IBTK: variants seen among roughly 807,000 people sequenced by gnomAD.
IBTK encodes BTK-binding protein.
In IBTK, 83 loss-of-function variants were observed where a neutral mutation model predicts 154.9. The ratio of observed to expected loss-of-function variants is 0.54; its 90% CI spans 0.45 to 0.64. IBTK has a LOEUF of 0.64. Among genes scored for constraint, IBTK ranks in the 30% least tolerant of loss-of-function variants. The probability of loss-of-function intolerance (pLI) is 0.00; values close to 1 mark genes in which losing one functional copy is unlikely to be tolerated. For missense variants in IBTK, 1,332 were observed against 1,584.6 expected, an observed-to-expected ratio of 0.84 and a Z score of 2.71; for synonymous variants, 515 against 536.1, an observed-to-expected ratio of 0.96 and a Z score of 0.54.
intron 25 of IBTK, among the ~76,000 whole-genome samples, chr6:82,185,185 A>G (rs1327237925): frequency 1.8e-4 from 21 of 119,360 alleles, no homozygotes; most frequent in African/African-American, 6.6e-4. Flanking sequence ...TCTGTCTCAG[A>G]AAAAAAAAAA....
intron 25 of IBTK, among the ~76,000 whole-genome samples, chr6:82,188,201 T>G (rs985445427): frequency 6.6e-6 from 1 of 152,142 alleles, no homozygotes; most frequent in African/African-American, 2.4e-5. Flanking sequence ...AGTCAGAACT[T>G]AAGAGAAAAC....
At chr6:82,181,792 A>G in intron 26 of IBTK, 87 bp downstream of exon 26, 3 of 949,060 alleles carry the variant, frequency 3.2e-6, no homozygotes, top group Non-Finnish European at 4.5e-6. Flanking sequence ...TCTGCCTCAT[A>G]AAGTTTTAAG....
At chr6:82,205,005 A>T in intron 16 of IBTK, 47 bp from the exon 17 acceptor site, 1 of 1,227,464 alleles carries the variant, frequency 8.1e-7, no homozygotes, top group Non-Finnish European at 1.1e-6. Context: ...TGTATACATT[A>T]TACCTAGAAA....
intron 26 of IBTK, chr6:82,174,779 AACTC>A (rs1768050278): frequency 2.8e-6 from 1 of 354,426 alleles, no homozygotes; most frequent in Non-Finnish European, 5.5e-6. Flanking sequence ...TTAAAAAACA[AACTC>A]AAAGAATATT....
At chr6:82,200,351 TA>T in intron 20 of IBTK, 98 bp from the exon 21 acceptor site, 2 of 878,314 alleles carry the variant, frequency 2.3e-6, no homozygotes, top group Non-Finnish European at 3.6e-6. Flanking sequence ...GGCTACTTTT[TA>T]AAATATTTAC....
chr6:82,194,640 C>A lies in IBTK; in HGVS notation c.3177G>T (p.Ala1059=). ...TACCATTAACATACGGTTTGACTTTCGCCTGGGGAGAGAAAAAAAATAAAA... is the reference window on the plus strand; with the variant it reads ...TACCATTAACATACGGTTTGACTTTAGCCTGGGGAGAGAAAAAAAATAAAA... The part of the protein sequence containing the change: ...TTGFHSDKIE[A]KVKPYVNGTS... The change falls in exon 23 of 29, where the codon GCG becomes GCT. Residue 1059 remains alanine (A), a splice_region_variant and synonymous_variant. Coordinates refer to ENST00000306270, the MANE Select transcript of IBTK (RefSeq NM_015525.4). 6.4e-7 allele frequency: 1 copy of A among 1,566,864 alleles called. No homozygotes were observed. The highest frequency in any genetic ancestry group is 1.2e-5 in the South Asian group (1 of 80,928).
Position 82,172,510 on chromosome 6 carries a change from G to A in IBTK, c.3800C>T (p.Pro1267Leu). The change falls in exon 28 of 29, where the codon CCC becomes CTC. Residue 1267 changes from proline (P) to leucine (L), a missense_variant and splice_region_variant. Pro to Leu is a moderately conservative substitution (Grantham distance 98). This residue lies in a region of IBTK where 1,134 missense variants were observed against 1,274.7 expected (regional missense o/e 0.89). Transcript: ENST00000306270. ...SDLPLLDSPN[P>L]WLSSSVTAPS... ...AGCAGTCACTGAAGAAGATAGCCAGGGACTGAAAGAATAATAATAATGAGT... is the reference window on the plus strand; with the variant it reads ...AGCAGTCACTGAAGAAGATAGCCAGAGACTGAAAGAATAATAATAATGAGT... The A allele has an allele frequency of 6.2e-7, 1 of 1,602,188 alleles. No individual in the cohort carries two copies. The highest frequency in any genetic ancestry group is 8.5e-7 in the Non-Finnish European group (1 of 1,176,852).
intron 26 of IBTK, 90 bp downstream of exon 26, chr6:82,181,789 C>T: frequency 1.1e-6 from 1 of 906,738 alleles, no homozygotes; most frequent in Non-Finnish European, 1.6e-6. Flanking sequence ...AAATCTGCCT[C>T]ATAAAGTTTT....
Position 82,224,060 on chromosome 6 carries a change from T to A in IBTK, c.943+8A>T. 7.1e-7 allele frequency: 1 copy of A among 1,418,176 alleles called. No individual in the cohort carries two copies. The highest frequency in any genetic ancestry group is 9.8e-7 in the Non-Finnish European group (1 of 1,017,694). The allele number at this position is 1,418,176 out of a possible 1,614,324, so 87.8% of individuals were successfully genotyped here. A position where few individuals can be genotyped will look rare whatever the true frequency, so the allele number is the denominator to read the frequency against. On this transcript the variant is annotated splice_region_variant and intron_variant, in intron 7 of 28. Coordinates refer to ENST00000306270, the MANE Select transcript of IBTK (RefSeq NM_015525.4). ...AATTTCCAGATATTGTCATTAAGGA[T>A]TTCTTACCCAGTTGTCCACCATTTA...
At chr6:82,188,833 C>T (rs924581394) in intron 25 of IBTK, among the ~76,000 whole-genome samples, 4 of 152,006 alleles carry the variant, frequency 2.6e-5, no homozygotes, top group African/African-American at 9.7e-5. Flanking sequence ...AGTTCGAGAC[C>T]AGCCTTGCCA....
At chr6:82,211,718 A>G (rs749250659) in intron 13 of IBTK, 146 bp from the exon 14 acceptor site, 73 of 641,968 alleles carry the variant, frequency 1.1e-4, no homozygotes, top group Non-Finnish European at 1.7e-4. Context: ...AAAATACTTC[A>G]TCTTTTTCCA....
chr6:82,242,915 G>A (rs113826670), intron 1 of IBTK, among the ~76,000 whole-genome samples: 1 of 147,418 alleles, frequency 6.8e-6, no homozygotes, highest in African/African-American at 2.5e-5. Context: ...CCAGTCTGGT[G>A]ACAAAGCAAG....
At chr6:82,179,429 T>C (rs1001540010) in intron 26 of IBTK, among the ~76,000 whole-genome samples, 4 of 152,216 alleles carry the variant, frequency 2.6e-5, no homozygotes, top group African/African-American at 9.6e-5. Flanking sequence ...TAAGAGATAA[T>C]TAAGTCTAAA....
At chr6:82,202,731 G>T in intron 17 of IBTK, 86 bp from the exon 18 acceptor site, 2 of 692,300 alleles carry the variant, frequency 2.9e-6, no homozygotes, top group South Asian at 4.8e-5. Context: ...AAAGCTGTAC[G>T]ATTTGAACAT....
At chr6:82,210,474 T>C (rs1769593099) in intron 16 of IBTK, 1 of 152,744 alleles carries the variant, frequency 6.5e-6, no homozygotes, top group African/African-American at 2.4e-5. Flanking sequence ...ACATGGGTAA[T>C]GAAAACCTTT....
At chr6:82,228,337 G>C (rs563233327) in intron 4 of IBTK, among the ~76,000 whole-genome samples, 1 of 151,886 alleles carries the variant, frequency 6.6e-6, no homozygotes, top group Non-Finnish European at 1.5e-5. Context: ...TAGACCGCTC[G>C]GAATTTTGTA....
chr6:82,233,722 T>TTTTA (rs1770607669), intron 3 of IBTK, among the ~76,000 whole-genome samples: 1 of 148,724 alleles, frequency 6.7e-6, no homozygotes, highest in African/African-American at 2.5e-5. Flanking sequence ...TTTTTTTTTT[T>TTTTA]TTTTTTTTTG....
At position 82,240,475 on chromosome 6, in the gene IBTK, G is replaced by C. The variant is rs1770897659; in HGVS notation, c.12C>G (p.Pro4=). 5.0e-6 allele frequency: 8 copies of C among 1,611,966 alleles called. No homozygotes were observed. Among genetic ancestry groups the C allele is most frequent in the Non-Finnish European group, 6.8e-6 (8 of 1,179,302 alleles). The change falls in exon 2 of 29, where the codon CCC becomes CCG. Residue 4 remains proline (P), a synonymous_variant. Coordinates refer to ENST00000306270, the MANE Select transcript of IBTK (RefSeq NM_015525.4). MSS[P]MPDCTSKCRS... is the part of the protein sequence containing the mutation. The stretch of plus-strand genomic sequence containing the variant: ...GACACTTTGATGTGCAGTCAGGCAT[G>C]GGTGAACTCATCCTAACTGTTTTTA...
At position 82,196,160 on chromosome 6, in the gene IBTK, C is replaced by T. The variant is rs1768978137; in HGVS notation, c.3174+138G>A. 4.5e-6 allele frequency: 3 copies of T among 666,024 alleles called. No individual in the cohort carries two copies. The East Asian group carries it at 8.4e-5, about 19-fold the overall frequency. 41.3% of individuals were successfully genotyped at this position (666,024 alleles called of 1,614,324 possible). Reference sequence around the variant, plus strand: ...GAAATGTTGTGCAAATTTAAGAAAACTAACACTATATTTGTGATTCTTATA... The same window carrying T: ...GAAATGTTGTGCAAATTTAAGAAAATTAACACTATATTTGTGATTCTTATA... On this transcript the variant is annotated intron_variant, in intron 22 of 28. Coordinates refer to ENST00000306270, the MANE Select transcript of IBTK (RefSeq NM_015525.4).
Sources: gnomAD v4.1 joint callset for allele counts (sites outside exome capture counted in the v4.1 genomes callset) on GRCh38, gnomAD v4.1.1 for gene constraint, gnomAD v4.1.1 regional missense constraint, MANE v1.5 for transcripts, NCBI Gene and HGNC (gene_info 2026-07-23, HGNC 2026-07-21) for gene names.